The following ALDH16A1 variants were observed in gnomAD, a reference collection of about 807,000 sequenced individuals.
ALDH16A1 encodes the protein aldehyde dehydrogenase family 16 member A1.
A neutral mutation model predicts 96.1 loss-of-function variants in ALDH16A1; 88 were observed. That is an observed-to-expected ratio of 0.92 (90% CI 0.77 to 1.09). The LOEUF (loss-of-function observed/expected upper bound fraction) is 1.09. ALDH16A1 is among the 50% of genes least tolerant of loss of function. The pLI, the probability that ALDH16A1 is intolerant of heterozygous loss-of-function variation, is 0.00. For synonymous variants in ALDH16A1, 522 were observed against 496.4 expected (o/e 1.05, Z -0.69); for missense variants, 1,250 against 1,112.6 (o/e 1.12, Z -1.76).
rs114984918 is a variant in ALDH16A1 at position 49,464,591 on chromosome 19, C to G, written c.1438-41C>G. 8.3e-4 allele frequency: 1,338 copies of G among 1,613,856 alleles called. 14 individuals are homozygous for G. The African/African-American group carries it at 0.016, about 19-fold the overall frequency. On this transcript the variant is annotated intron_variant, in intron 11 of 16. Transcript: ENST00000293350. ...TGCCCTTGACACTCGCATCCGGCCT[C>G]GCGTGCCCCTTGCATCCTCTTGACA...
Position 49,470,324 on chromosome 19 carries a change from TG to T in ALDH16A1, c.2269del (p.Ala757ProfsTer49). 1 of 1,613,306 alleles carries T rather than the reference TG, an allele frequency of 6.2e-7. No individual in the cohort carries two copies. Among genetic ancestry groups the T allele is most frequent in the Non-Finnish European group, 8.5e-7 (1 of 1,179,802 alleles). On this transcript the variant is annotated frameshift_variant, in exon 17 of 17. Coordinates refer to ENST00000293350, the MANE Select transcript of ALDH16A1 (RefSeq NM_153329.4). LOFTEE classifies it high-confidence loss of function. ...GSAQGSQFVE[W>X]ASAGNLKPVW... is the part of the protein sequence containing the mutation. The stretch of plus-strand genomic sequence containing the variant: ...CCCTCAGGGTTCCCAGTTTGTCGAG[TG>T]GGCCTCGGCAGGAAACCTCAAACCG...
chr19:49,467,396 CTTTT>C (rs111994857), intron 14 of ALDH16A1, among the ~76,000 whole-genome samples: 2 of 131,176 alleles, frequency 1.5e-5, no homozygotes, highest in Admixed American at 7.6e-5. Context: ...TTCTTTCTTT[CTTTT>C]TTTTTTTTTT....
rs759027884 is a variant in ALDH16A1, at chr19:49,460,916, G to A, written c.577+17G>A. 3 of 1,610,750 alleles carry A rather than the reference G, an allele frequency of 1.9e-6. No homozygotes were observed. The highest frequency in any genetic ancestry group is 2.2e-5 in the South Asian group (2 of 90,978). On this transcript the variant is annotated intron_variant, in intron 5 of 16. Coordinates refer to ENST00000293350, the MANE Select transcript of ALDH16A1 (RefSeq NM_153329.4). ...TGGCTGTGGGTAAATGATGGCCTGG[G>A]GGGTCCTGACTCTTGGGTCTGAGAA... is the stretch of plus-strand genomic sequence containing the variant.
Position 49,461,985 on chromosome 19 carries a change from A to G in ALDH16A1, c.861A>G (p.Val287=), listed in dbSNP as rs2079153446. The G allele has an allele frequency of 1.3e-6, 2 of 1,550,590 alleles. No individual in the cohort carries two copies. Among genetic ancestry groups the G allele is most frequent in the Admixed American group, 3.9e-5 (2 of 51,800 alleles). The stretch of plus-strand genomic sequence containing the variant: ...TGCTGCTGACGGACACGGCGGACGT[A>G]GACTCGGCCGTGGAGGGTGTCGTGG... The part of the protein sequence containing the change: ...SLLLLTDTAD[V]DSAVEGVVDA... Residue 287 remains valine (V), a synonymous_variant, in exon 7 of 17, where the codon GTA becomes GTG. Transcript: ENST00000293350.
At chr19:49,454,887 G>A (rs1409626812) in intron 1 of ALDH16A1, among the ~76,000 whole-genome samples, 6 of 152,156 alleles carry the variant, frequency 3.9e-5, no homozygotes, top group Non-Finnish European at 7.4e-5. Flanking sequence ...GGGAGTCCTA[G>A]GTGGGCGGAT....
chr19:49,460,957 G>T, intron 5 of ALDH16A1, 58 bp downstream of exon 5: 1 of 1,553,260 alleles, frequency 6.4e-7, no homozygotes, highest in South Asian at 1.1e-5. Context: ...GGGATCGTGG[G>T]GCCCAAACTC....
intron 14 of ALDH16A1, among the ~76,000 whole-genome samples, chr19:49,467,648 C>T (rs1047430185): frequency 6.6e-6 from 1 of 151,638 alleles, no homozygotes; most frequent in South Asian, 2.1e-4. Flanking sequence ...CCCACCTTGG[C>T]CTCCCAAAGT....
rs1008398116 is a variant in ALDH16A1, at chr19:49,470,788, A to G, written c.*321A>G. ...CTCAGCCTCATATGTAGCTGGGGCC[A>G]CAGACATGCACCACCACACCTGGCT... is the stretch of plus-strand genomic sequence containing the variant. On this transcript the variant is annotated 3_prime_UTR_variant, in exon 17 of 17. Transcript: ENST00000293350. The G allele has an allele frequency of 4.5e-6, 1 of 223,342 alleles. No individual in the cohort carries two copies. Among genetic ancestry groups the G allele is most frequent in the Admixed American group, 5.3e-5 (1 of 18,778 alleles). 13.8% of individuals were successfully genotyped at this position (223,342 alleles called of 1,614,324 possible). A position where few individuals can be genotyped will look rare whatever the true frequency, so the allele number is the denominator to read the frequency against.
At chr19:49,466,998 C>A (rs1394126998) in intron 14 of ALDH16A1, among the ~76,000 whole-genome samples, 1 of 152,154 alleles carries the variant, frequency 6.6e-6, no homozygotes, top group African/African-American at 2.4e-5. Flanking sequence ...ACAGTGAAAC[C>A]CTGTCTCCAC....
At position 49,461,804 on chromosome 19, in the gene ALDH16A1, C is replaced by A; in HGVS notation, c.759+4C>A. 1 of 1,609,966 alleles carries A rather than the reference C, an allele frequency of 6.2e-7. No individual in the cohort carries two copies. Among genetic ancestry groups the A allele is most frequent in the South Asian group, 1.1e-5 (1 of 90,508 alleles). The stretch of plus-strand genomic sequence containing the variant: ...GGCCTTCTGCGGAGCCCCGGAGGTA[C>A]CTTCGGGACAGGGGTCGTGGCGGAA... On this transcript the variant is annotated splice_donor_region_variant and intron_variant, in intron 6 of 16. Coordinates refer to ENST00000293350, the MANE Select transcript of ALDH16A1 (RefSeq NM_153329.4).
Position 49,462,554 on chromosome 19 carries a change from C to T in ALDH16A1, c.913-16C>T, listed in dbSNP as rs770611032. The T allele has an allele frequency of 1.2e-6, 2 of 1,610,148 alleles. No individual in the cohort carries two copies. The highest frequency in any genetic ancestry group is 8.5e-7 in the Non-Finnish European group (1 of 1,178,828). Reference sequence around the variant, plus strand: ...AGTGCAATGGTGTGATCTCCTGATGCCCCTTTTCCTCACAGGGTGGCCTCA... The same window carrying T: ...AGTGCAATGGTGTGATCTCCTGATGTCCCTTTTCCTCACAGGGTGGCCTCA... On this transcript the variant is annotated splice_polypyrimidine_tract_variant and intron_variant, in intron 7 of 16. Transcript: ENST00000293350.
intron 1 of ALDH16A1, among the ~76,000 whole-genome samples, chr19:49,454,149 A>G (rs1021541439): frequency 1.3e-5 from 2 of 150,888 alleles, no homozygotes; most frequent in East Asian, 1.9e-4. Flanking sequence ...CAGCCCCCCA[A>G]GTAACTGGGA....
chr19:49,462,172 GC>G, intron 7 of ALDH16A1, 136 bp downstream of exon 7: 1 of 1,305,280 alleles, frequency 7.7e-7, no homozygotes, highest in Non-Finnish European at 1.0e-6. Context: ...CACTCTTGTC[GC>G]CCAGGCTGGG....
At chr19:49,466,996 AC>A (rs2079204656) in intron 14 of ALDH16A1, among the ~76,000 whole-genome samples, 1 of 152,266 alleles carries the variant, frequency 6.6e-6, no homozygotes, top group South Asian at 2.1e-4. Context: ...ACACAGTGAA[AC>A]CCTGTCTCCA....
In ALDH16A1 at chr19:49,461,973, C is replaced by T; in HGVS notation, c.849C>T (p.Asp283=). The change falls in exon 7 of 17, where the codon GAC becomes GAT. Residue 283 remains aspartate, a synonymous_variant. Coordinates refer to ENST00000293350, the MANE Select transcript of ALDH16A1 (RefSeq NM_153329.4). ...CGGAGTCGCTGCTGCTGCTGACGGA[C>T]ACGGCGGACGTAGACTCGGCCGTGG... The part of the protein sequence containing the change: ...LGTESLLLLT[D]TADVDSAVEG... 2 of 1,556,148 alleles carry T rather than the reference C, an allele frequency of 1.3e-6. No homozygotes were observed. Among genetic ancestry groups the T allele is most frequent in the Non-Finnish European group, 8.7e-7 (1 of 1,153,802 alleles).
rs2079126079 is a variant in ALDH16A1, at chr19:49,459,646, A to G, written c.321-24A>G. ...CAAGGCTGAGGGCCGTTGGAAAATG[A>G]GCACCCTCTTGCTTTCTCGACAGGC... On this transcript the variant is annotated intron_variant, in intron 3 of 16. Transcript: ENST00000293350. The surrounding 1 kb of genome is among the most constrained non-coding windows in gnomAD (Gnocchi z 4.1). 2 of 1,585,602 alleles carry G rather than the reference A, an allele frequency of 1.3e-6. No homozygotes were observed. The highest frequency in any genetic ancestry group is 1.7e-6 in the Non-Finnish European group (2 of 1,166,176).
rs1601035461 is a variant in ALDH16A1, at chr19:49,464,491, A to G, written c.1406A>G (p.Glu469Gly). ...DPSVPTGGCK[E>G]SGCSWHGGPD... ...TCGGTGCCCACAGGCGGCTGCAAGG[A>G]GAGTGGGTGTTCCTGGCACGGGGGC... Residue 469 changes from glutamate to glycine, a missense_variant, in exon 11 of 17, where the codon GAG becomes GGG. Physicochemically the swap from Glu to Gly is moderately conservative, Grantham distance 98 (BLOSUM62 -2). Transcript: ENST00000293350. 1 of 1,613,668 alleles carries G rather than the reference A, an allele frequency of 6.2e-7. No individual in the cohort carries two copies.
chr19:49,460,006 G>T (rs1293738165), intron 4 of ALDH16A1, among the ~76,000 whole-genome samples, 158 bp downstream of exon 4: 1 of 152,142 alleles, frequency 6.6e-6, no homozygotes, highest in East Asian at 1.9e-4. Flanking sequence ...CGCCTCCCGG[G>T]TTCAAGTGAT....
Position 49,470,384 on chromosome 19 carries a change from G to C in ALDH16A1, c.2326G>C (p.Asp776His), listed in dbSNP as rs2079235634. The C allele has an allele frequency of 6.2e-7, 1 of 1,612,648 alleles. No individual in the cohort carries two copies. Among genetic ancestry groups the C allele is most frequent in the Non-Finnish European group, 8.5e-7 (1 of 1,179,728 alleles). Residue 776 changes from aspartate to histidine, a missense_variant, in exon 17 of 17, where the codon GAC becomes CAC. Coordinates refer to ENST00000293350, the MANE Select transcript of ALDH16A1 (RefSeq NM_153329.4). The part of the protein sequence containing the change: ...WASRGCPRAW[D>H]QEAEGAGPEL... ...GAGCAGGGGCTGCCCGCGGGCCTGG[G>C]ACCAGGAGGCCGAGGGGGCAGGCCC...
Sources: gnomAD v4.1 joint callset for allele counts (sites outside exome capture counted in the v4.1 genomes callset) on GRCh38, gnomAD v4.1.1 for gene constraint, Gnocchi (gnomAD v3.1) non-coding constraint, MANE v1.5 for transcripts, NCBI Gene and HGNC (gene_info 2026-07-23, HGNC 2026-07-21) for gene names.